Variants in TMTC2 observed in about 807,000 individuals in gnomAD.
TMTC2 encodes the protein transmembrane O-mannosyltransferase targeting cadherins 2.
A neutral mutation model predicts 82.4 loss-of-function variants in TMTC2; 43 were observed. That is an observed-to-expected ratio of 0.52 (90% CI 0.41 to 0.67). TMTC2 has a LOEUF of 0.67. TMTC2 is among the 30% of genes least tolerant of loss of function. TMTC2 has a pLI of 0.00. For missense variants in TMTC2, 919 were observed against 1,012.4 expected, an observed-to-expected ratio of 0.91 and a Z score of 1.25; for synonymous variants, 408 against 381.9, an observed-to-expected ratio of 1.07 and a Z score of -0.80.
In TMTC2 at chr12:83,132,689, A is replaced by G; in HGVS notation, c.*300A>G. 6.5e-6 allele frequency: 2 copies of G among 306,900 alleles called. No homozygotes were observed. The highest frequency in any genetic ancestry group is 5.9e-6 in the Non-Finnish European group (1 of 169,110). 19.0% of individuals were successfully genotyped at this position (306,900 alleles called of 1,614,324 possible). ...AAAGGGAGGGGTGGGTGTGTAAGTC[A>G]CAGATTTTGTTCATTTTCTGAAAGC... is the stretch of plus-strand genomic sequence containing the variant. On this transcript the variant is annotated 3_prime_UTR_variant, in exon 12 of 12. Coordinates refer to ENST00000321196, the MANE Select transcript of TMTC2 (RefSeq NM_152588.3).
In TMTC2 at chr12:82,838,160, T is replaced by A. The variant is rs539821725; in HGVS notation, c.84-18850T>A. Among the ~76,000 whole-genome samples, 4 of 152,280 alleles carry A rather than the reference T, an allele frequency of 2.6e-5. No homozygotes were observed. In the South Asian group the frequency reaches 8.3e-4, roughly 32 times the overall value. On this transcript the variant is annotated intron_variant, in intron 1 of 11. Transcript: ENST00000321196. Reference sequence around the variant, plus strand: ...AGCCATTTTTGGGGTCCAGATGGGATCACAAGATAAGGCAGGCTGGTGCAA... The same window carrying A: ...AGCCATTTTTGGGGTCCAGATGGGAACACAAGATAAGGCAGGCTGGTGCAA...
intron 1 of TMTC2, among the ~76,000 whole-genome samples, chr12:82,805,615 C>T (rs903825746): frequency 1.4e-5 from 2 of 145,622 alleles, no homozygotes; most frequent in Admixed American, 7.2e-5. Flanking sequence ...TCACGCCATT[C>T]TCCTGCCTCA....
intron 8 of TMTC2, among the ~76,000 whole-genome samples, chr12:83,017,826 A>C (rs1880742128): frequency 1.3e-5 from 2 of 152,062 alleles, no homozygotes; most frequent in African/African-American, 4.8e-5. Context: ...AAAAAAAAAA[A>C]AACTTATTCA....
chr12:82,706,835 A>G (rs1192069046), intron 1 of TMTC2, among the ~76,000 whole-genome samples: 1 of 152,112 alleles, frequency 6.6e-6, no homozygotes, highest in Non-Finnish European at 1.5e-5. Context: ...TTTTGGGTGA[A>G]GGGAGATGGA....
At chr12:82,708,909 C>A (rs1482209667) in intron 1 of TMTC2, among the ~76,000 whole-genome samples, 1 of 152,154 alleles carries the variant, frequency 6.6e-6, no homozygotes, top group Non-Finnish European at 1.5e-5. Context: ...ATCCATTTTT[C>A]TCATGTGGTC....
intron 9 of TMTC2, among the ~76,000 whole-genome samples, chr12:83,048,551 AT>A (rs1882224408): frequency 6.6e-6 from 1 of 152,324 alleles, no homozygotes; most frequent in Non-Finnish European, 1.5e-5. Context: ...TAGTCTTAAA[AT>A]TTTGTCACTT....
At chr12:82,899,767 T>TGGAATATATATATAAGAATACATATATA (rs1198052907) in intron 3 of TMTC2, among the ~76,000 whole-genome samples, 6 of 145,200 alleles carry the variant, frequency 4.1e-5, no homozygotes, top group African/African-American at 1.5e-4. Flanking sequence ...AATATATATG[T>TGGAATATATATATAAGAATACATATATA]GGAATATATA....
chr12:83,112,756 G>A (rs527647257), intron 11 of TMTC2, among the ~76,000 whole-genome samples: 31 of 152,228 alleles, frequency 2.0e-4, no homozygotes, highest in African/African-American at 7.2e-4. Flanking sequence ...TTGTTCAGAC[G>A]TGAATCATAG....
chr12:82,881,007 AGTTT>A (rs1271153170), intron 2 of TMTC2, among the ~76,000 whole-genome samples: 5 of 152,272 alleles, frequency 3.3e-5, no homozygotes, highest in Non-Finnish European at 1.5e-5. Flanking sequence ...TTAACTCTGG[AGTTT>A]GTTTTATTGA....
chr12:82,928,353 G>T (rs1043406022), intron 3 of TMTC2, among the ~76,000 whole-genome samples: 2 of 152,056 alleles, frequency 1.3e-5, no homozygotes, highest in Non-Finnish European at 2.9e-5. Context: ...GTAATTATTA[G>T]AAATTTCCAT....
At chr12:82,805,079 C>T (rs1592535658) in intron 1 of TMTC2, among the ~76,000 whole-genome samples, 1 of 152,070 alleles carries the variant, frequency 6.6e-6, no homozygotes, top group Admixed American at 6.6e-5. Context: ...TTTCCATTGG[C>T]TGGAACAGGA....
chr12:83,023,155 C>A (rs545498830), intron 8 of TMTC2, among the ~76,000 whole-genome samples: 1 of 152,222 alleles, frequency 6.6e-6, no homozygotes, highest in South Asian at 2.1e-4. Context: ...AATAGCGTGT[C>A]ATATGAACAC....
intron 8 of TMTC2, among the ~76,000 whole-genome samples, chr12:83,030,069 C>G (rs1415024633): frequency 6.6e-6 from 1 of 151,896 alleles, no homozygotes; most frequent in African/African-American, 2.4e-5. Context: ...AATATTTGGC[C>G]TGTAATATTT....
intron 11 of TMTC2, among the ~76,000 whole-genome samples, chr12:83,075,021 T>C (rs551498652): frequency 2.0e-5 from 3 of 152,190 alleles, no homozygotes; most frequent in Non-Finnish European, 4.4e-5. Flanking sequence ...AATGGCCTGC[T>C]TGGGGACCGA....
At chr12:83,000,701 C>T (rs1017909625) in intron 8 of TMTC2, among the ~76,000 whole-genome samples, 1 of 152,182 alleles carries the variant, frequency 6.6e-6, no homozygotes, top group Non-Finnish European at 1.5e-5. Flanking sequence ...GGTGGAGCCC[C>T]AGTGGGGACT....
chr12:82,794,219 G>A (rs115100061), intron 1 of TMTC2, among the ~76,000 whole-genome samples: 2,436 of 152,184 alleles, frequency 0.016, 61 homozygotes, highest in African/African-American at 0.055. Flanking sequence ...GTTGACTCCT[G>A]GGGCGCCCTC....
chr12:82,769,280 C>T (rs530427122), intron 1 of TMTC2, among the ~76,000 whole-genome samples: 8 of 151,902 alleles, frequency 5.3e-5, no homozygotes, highest in African/African-American at 1.7e-4. Context: ...TGAGACCAGC[C>T]TGGCCAACAT....
intron 1 of TMTC2, among the ~76,000 whole-genome samples, chr12:82,821,346 G>C (rs1869098168): frequency 6.6e-6 from 1 of 152,004 alleles, no homozygotes; most frequent in Non-Finnish European, 1.5e-5. Context: ...AATTTTTCCA[G>C]AACTAAAAGA....
intron 1 of TMTC2, among the ~76,000 whole-genome samples, chr12:82,740,851 C>T (rs1268024230): frequency 6.6e-6 from 1 of 152,218 alleles, no homozygotes; most frequent in Non-Finnish European, 1.5e-5. Flanking sequence ...GCTAAAAGGC[C>T]TCTTTCATGC....
Sources: gnomAD v4.1 joint callset for allele counts (sites outside exome capture counted in the v4.1 genomes callset) on GRCh38, gnomAD v4.1.1 for gene constraint, MANE v1.5 for transcripts, NCBI Gene and HGNC (gene_info 2026-07-23, HGNC 2026-07-21) for gene names.